GON4L: variants seen among roughly 807,000 people sequenced by gnomAD.
GON4L encodes GON-4-like protein.
In GON4L, 87 loss-of-function variants were observed where a neutral mutation model predicts 211.8. The observed-to-expected ratio is 0.41, with a 90% confidence interval of 0.35 to 0.49. The LOEUF (loss-of-function observed/expected upper bound fraction) is 0.49. Ranked by LOEUF, GON4L falls within the 20% of genes least tolerant of loss-of-function variation. The pLI, the probability that GON4L is intolerant of heterozygous loss-of-function variation, is 0.15. For missense variants in GON4L, 2,155 were observed against 2,659.5 expected, an observed-to-expected ratio of 0.81 and a Z score of 4.17; for synonymous variants, 875 against 962.6, an observed-to-expected ratio of 0.91 and a Z score of 1.68.
intron 2 of GON4L, among the ~76,000 whole-genome samples, chr1:155,833,108 A>G (rs1388552813): frequency 2.0e-5 from 3 of 152,184 alleles, no homozygotes; most frequent in Non-Finnish European, 4.4e-5. Flanking sequence ...AAGGGGAGTG[A>G]TATCACAGAT....
chr1:155,843,863 G>T (rs962265919), intron 2 of GON4L, among the ~76,000 whole-genome samples: 1 of 152,128 alleles, frequency 6.6e-6, no homozygotes, highest in African/African-American at 2.4e-5. Flanking sequence ...AACTTGCAAG[G>T]ATTCAATTTG....
chr1:155,823,919 C>G (rs921930334), intron 3 of GON4L, among the ~76,000 whole-genome samples: 6 of 151,886 alleles, frequency 4.0e-5, no homozygotes, highest in Non-Finnish European at 7.4e-5. Context: ...TTTGCTAAAT[C>G]AAATAAAGAA....
At chr1:155,773,596 G>T (rs1190709941) in intron 17 of GON4L, among the ~76,000 whole-genome samples, 3 of 152,162 alleles carry the variant, frequency 2.0e-5, no homozygotes, top group Admixed American at 6.5e-5. Context: ...TCCAGAATAA[G>T]ATTCCAACTT....
intron 24 of GON4L, among the ~76,000 whole-genome samples, chr1:155,759,993 T>C (rs867095291): frequency 6.8e-6 from 1 of 147,778 alleles, no homozygotes; most frequent in African/African-American, 2.5e-5. Context: ...GATATATATA[T>C]ATATATGTTT....
intron 1 of GON4L, 137 bp downstream of exon 1, chr1:155,857,010 T>G (rs889229708): frequency 6.6e-6 from 1 of 152,448 alleles, no homozygotes; most frequent in Non-Finnish European, 1.5e-5. Context: ...CATTCCCAAC[T>G]AGACACTGGA....
At chr1:155,761,575 A>C (rs1334586852) in intron 23 of GON4L, among the ~76,000 whole-genome samples, 4 of 149,554 alleles carry the variant, frequency 2.7e-5, no homozygotes, top group Non-Finnish European at 5.9e-5. Context: ...GGCTCACTGC[A>C]AACTCCGTCT....
At position 155,756,079 on chromosome 1, in the gene GON4L, AAT is replaced by A. The variant is rs1661151022; in HGVS notation, c.5517+877_5517+878del. Among the ~76,000 whole-genome samples the A allele has an allele frequency of 3.3e-5, 5 of 152,196 alleles. No homozygotes were observed. In the South Asian group the frequency reaches 1.0e-3, roughly 32 times the overall value. On this transcript the variant is annotated intron_variant, in intron 27 of 31. Coordinates refer to ENST00000368331, the MANE Select transcript of GON4L (RefSeq NM_001282860.2). The stretch of plus-strand genomic sequence containing the variant: ...CATATCCTAGCACCACCACTTACTA[AAT>A]ATGAGACCCTGACAACAGCCTCTCT...
In GON4L at chr1:155,762,309, G is replaced by T; in HGVS notation, c.4792C>A (p.Arg1598=). 1 of 1,612,882 alleles carries T rather than the reference G, an allele frequency of 6.2e-7. No individual in the cohort carries two copies. The highest frequency in any genetic ancestry group is 8.5e-7 in the Non-Finnish European group (1 of 1,179,304). The change falls in exon 23 of 32, where the codon CGG becomes AGG. Residue 1598 remains arginine, a synonymous_variant. Coordinates refer to ENST00000368331, the MANE Select transcript of GON4L (RefSeq NM_001282860.2). ...NHRARNKRGS[R]ARASKDTSKL... The stretch of plus-strand genomic sequence containing the variant: ...GAGGTGTCCTTGCTGGCCCGAGCCC[G>T]ACTTCCCCGCTTGTTGCGAGCTCGA...
At chr1:155,813,044 T>C (rs563255735) in intron 10 of GON4L, among the ~76,000 whole-genome samples, 231 of 152,280 alleles carry the variant, frequency 1.5e-3, no homozygotes, top group Non-Finnish European at 1.9e-3. Flanking sequence ...GCAATTGTGG[T>C]AAAAGGTTAA....
At chr1:155,748,390 C>T (rs1314986593), downstream of GON4L, 13 of 1,606,740 alleles carry the variant, frequency 8.1e-6, no homozygotes, top group Admixed American at 2.2e-4. Flanking sequence ...CTCTTGGTGT[C>T]TTCTTACAGG....
At chr1:155,852,615 T>C (rs536534931) in intron 2 of GON4L, among the ~76,000 whole-genome samples, 5 of 151,632 alleles carry the variant, frequency 3.3e-5, no homozygotes, top group South Asian at 2.1e-4. Flanking sequence ...TGGTGGTGGG[T>C]GCCTGTAGTC....
intron 2 of GON4L, among the ~76,000 whole-genome samples, chr1:155,832,170 G>A (rs1419209858): frequency 1.4e-5 from 2 of 147,460 alleles, no homozygotes; most frequent in African/African-American, 5.0e-5. Context: ...AGCTACTCGG[G>A]AGGCTGAGGC....
intron 10 of GON4L, among the ~76,000 whole-genome samples, chr1:155,810,185 G>A (rs973569813): frequency 6.7e-5 from 10 of 150,226 alleles, no homozygotes; most frequent in East Asian, 2.0e-4. Flanking sequence ...TAGTGGAGAC[G>A]GGGTTTCACC....
At chr1:155,799,038 C>T (rs1666372525) in intron 11 of GON4L, among the ~76,000 whole-genome samples, 1 of 152,166 alleles carries the variant, frequency 6.6e-6, no homozygotes, top group South Asian at 2.1e-4. Flanking sequence ...TATACCCCTC[C>T]TGTATTGTCT....
At chr1:155,847,703 A>G (rs1001669948) in intron 2 of GON4L, among the ~76,000 whole-genome samples, 2 of 151,866 alleles carry the variant, frequency 1.3e-5, no homozygotes, top group Non-Finnish European at 2.9e-5. Flanking sequence ...CTCCATCTCA[A>G]AACAACAAAA....
At chr1:155,781,289 C>A (rs1385621163) in intron 14 of GON4L, among the ~76,000 whole-genome samples, 1 of 151,250 alleles carries the variant, frequency 6.6e-6, no homozygotes, top group Admixed American at 6.6e-5. Context: ...ATTACAGGCA[C>A]CTGCCAACAC....
rs767573299 is a variant in GON4L, at chr1:155,762,356, G to A, written c.4745C>T (p.Ala1582Val). 14 of 1,611,408 alleles carry A rather than the reference G, an allele frequency of 8.7e-6. No individual in the cohort carries two copies. The highest frequency in any genetic ancestry group is 1.3e-5 in the African/African-American group (1 of 74,910). Reference protein sequence around the residue: ...RTPPGESIKAAGKGRNNHRAR... With the variant: ...RTPPGESIKAVGKGRNNHRAR... ...TCGATGATTGTTCCGGCCTTTTCCAGCAGCTTTGATGCTCTCTCCTTGTAG... is the reference window on the plus strand; with the variant it reads ...TCGATGATTGTTCCGGCCTTTTCCAACAGCTTTGATGCTCTCTCCTTGTAG... The change falls in exon 23 of 32, where the codon GCT (alanine) becomes GTT (valine). Residue 1582 changes from alanine to valine, a missense_variant. Physicochemically the swap from Ala to Val is moderately conservative, Grantham distance 64 (BLOSUM62 0). Around this residue, in one of 6 missense-constraint regions of GON4L, gnomAD observed 455 missense variants for 504.6 expected, o/e 0.90. Transcript: ENST00000368331.
At chr1:155,813,856 A>G in intron 9 of GON4L, 52 bp from the exon 10 acceptor site, 2 of 1,522,604 alleles carry the variant, frequency 1.3e-6, no homozygotes, top group Non-Finnish European at 1.8e-6. Flanking sequence ...AGAAAGAAAG[A>G]GAAAGCAAAA....
intron 19 of GON4L, among the ~76,000 whole-genome samples, chr1:155,770,283 G>C (rs1301662733): frequency 6.6e-6 from 1 of 152,162 alleles, no homozygotes; most frequent in Non-Finnish European, 1.5e-5. Context: ...CCAACACTTT[G>C]GGAGGCCAAG....
Sources: allele counts gnomAD v4.1 joint callset (sites outside exome capture counted in the v4.1 genomes callset), GRCh38; gene constraint gnomAD v4.1.1; regional missense constraint gnomAD v4.1.1; transcripts MANE v1.5; gene names NCBI Gene and HGNC (gene_info 2026-07-23, HGNC 2026-07-21).